The following INKA2 variants were observed in gnomAD, a reference collection of about 807,000 sequenced individuals.
INKA2 encodes the protein inka box actin regulator 2.
INKA2 carries 3 observed loss-of-function variants against 9.8 expected under a neutral mutation model. That is an observed-to-expected ratio of 0.31 (90% CI 0.14 to 0.79). The LOEUF is 0.79. Ranked by LOEUF, INKA2 falls within the 30% of genes least tolerant of loss-of-function variation. The pLI is 0.62. For missense variants in INKA2, 392 were observed against 384.4 expected (o/e 1.02, Z -0.17); for synonymous variants, 147 against 143.3 (o/e 1.03, Z -0.18).
intron 1 of INKA2, among the ~76,000 whole-genome samples, chr1:111,749,441 T>C (rs1285955437): frequency 1.4e-5 from 2 of 142,900 alleles, no homozygotes; most frequent in Admixed American, 1.4e-4. Context: ...TGTGTGTGTG[T>C]GTGTGCGCGC....
At chr1:111,731,248 T>A (rs1372150859) in intron 1 of INKA2, among the ~76,000 whole-genome samples, 2 of 152,236 alleles carry the variant, frequency 1.3e-5, no homozygotes, top group Non-Finnish European at 2.9e-5. Flanking sequence ...CATTGGTTAA[T>A]AATTTGGTTT....
chr1:111,728,036 C>G (rs1243975578), intron 1 of INKA2, among the ~76,000 whole-genome samples: 1 of 137,012 alleles, frequency 7.3e-6, no homozygotes, highest in Non-Finnish European at 1.5e-5. Flanking sequence ...TCCCCCACCC[C>G]ATACACACAC....
intron 1 of INKA2, chr1:111,747,434 T>C (rs1663298492): frequency 6.7e-6 from 1 of 150,344 alleles, no homozygotes; most frequent in South Asian, 2.1e-4. Context: ...CCTGGTGGTA[T>C]TTCCAGTTGT....
In INKA2 at chr1:111,751,942, ATT is replaced by A. The variant is rs34187656; in HGVS notation, n.124+3757_124+3758del. Among the ~76,000 whole-genome samples the A allele has an allele frequency of 5.7e-3, 812 of 142,256 alleles. 8 individuals are homozygous for A. Among genetic ancestry groups the A allele is most frequent in the African/African-American group, 0.019 (732 of 39,042 alleles). 93.3% of individuals were successfully genotyped at this position (142,256 alleles called of 152,430 possible). On this transcript the variant is annotated intron_variant and non_coding_transcript_variant, in intron 1 of 1. Coordinates refer to the INKA2 transcript ENST00000444059. ...TGTCCAGAAAAATGACATTTCCCAG[ATT>A]TTTTTTTTTTTTTTGCAAGAAGGTA...
In INKA2 at chr1:111,727,479, C is replaced by T. The variant is rs1480143794; in HGVS notation, c.383G>A (p.Cys128Tyr). The T allele has an allele frequency of 6.2e-7, 1 of 1,614,236 alleles. No homozygotes were observed. The highest frequency in any genetic ancestry group is 8.5e-7 in the Non-Finnish European group (1 of 1,180,048). ...PLPRTQPHQS[C>Y]AQQGPERVEP... is the part of the protein sequence containing the mutation. The stretch of plus-strand genomic sequence containing the variant: ...CACTCGCTCTGGCCCCTGCTGAGCA[C>T]AGCTTTGATGTGGCTGTGTCCTGGG... Residue 128 changes from cysteine to tyrosine, a missense_variant, in exon 2 of 2, where the codon TGT becomes TAT. Coordinates refer to ENST00000357260, the MANE Select transcript of INKA2 (RefSeq NM_019099.5).
At chr1:111,735,895 C>G (rs1662998243) in intron 1 of INKA2, among the ~76,000 whole-genome samples, 1 of 152,228 alleles carries the variant, frequency 6.6e-6, no homozygotes, top group Non-Finnish European at 1.5e-5. Context: ...TCTCCCTCCT[C>G]CAGGAAGCCT....
At chr1:111,732,501 G>A (rs1213282036) in intron 1 of INKA2, among the ~76,000 whole-genome samples, 1 of 151,552 alleles carries the variant, frequency 6.6e-6, no homozygotes, top group Non-Finnish European at 1.5e-5. Flanking sequence ...CAAGAAGGTC[G>A]ACCTGGTCCT....
In INKA2 at chr1:111,745,231, T is replaced by TATATATAC. The variant is rs1356034280; in HGVS notation, n.124+10469_124+10470insGTATATAT. 200 of 112,724 alleles carry TATATATAC rather than the reference T, an allele frequency of 1.8e-3. 2 individuals are homozygous for TATATATAC. Among genetic ancestry groups the TATATATAC allele is most frequent in the African/African-American group, 7.2e-3 (196 of 27,266 alleles). The allele number at this position is 112,724 out of a possible 1,614,324, so 7.0% of individuals were successfully genotyped here. A position where few individuals can be genotyped will look rare whatever the true frequency, so the allele number is the denominator to read the frequency against. On this transcript the variant is annotated intron_variant and non_coding_transcript_variant, in intron 1 of 1. Coordinates refer to the INKA2 transcript ENST00000444059. ...CATTTACTGGAAAGGCAAGCAAATA[T>TATATATAC]ACACACACACACACACACACACACA...
At position 111,726,167 on chromosome 1, in the gene INKA2, G is replaced by C. The variant is rs879922395; in HGVS notation, c.*801C>G. 7.5e-6 allele frequency: 3 copies of C among 398,218 alleles called. No homozygotes were observed. Among genetic ancestry groups the C allele is most frequent in the Non-Finnish European group, 1.3e-5 (3 of 225,888 alleles). The allele number at this position is 398,218 out of a possible 1,614,324, so 24.7% of individuals were successfully genotyped here. A position where few individuals can be genotyped will look rare whatever the true frequency, so the allele number is the denominator to read the frequency against. Reference sequence around the variant, plus strand: ...CTGGACATGTAGCATATCTAGGCTTGTTTCCTTATCTGGAAAATGGGATCA... The same window carrying C: ...CTGGACATGTAGCATATCTAGGCTTCTTTCCTTATCTGGAAAATGGGATCA... On this transcript the variant is annotated 3_prime_UTR_variant, in exon 2 of 2. Transcript: ENST00000357260.
In INKA2 at chr1:111,727,367, C is replaced by G; in HGVS notation, c.495G>C (p.Leu165=). The change falls in exon 2 of 2, where the codon CTG becomes CTC. Residue 165 remains leucine (L), a synonymous_variant. Transcript: ENST00000357260. ...CTGGCAAGTCTAGCCAATTGCCCAC[C>G]AGGTCTGCAAAAACGTTGTCCCCTA... ...LVLGDNVFAD[L]VGNWLDLPEL... 3 of 1,613,952 alleles carry G rather than the reference C, an allele frequency of 1.9e-6. No homozygotes were observed. Among genetic ancestry groups the G allele is most frequent in the East Asian group, 2.2e-5 (1 of 44,884 alleles).
chr1:111,739,573 G>A (rs1465021054), upstream of INKA2: 2 of 532,698 alleles, frequency 3.8e-6, no homozygotes, highest in Non-Finnish European at 2.9e-6. Flanking sequence ...CGCAGCCACT[G>A]GGGCTGGCGA....
intron 1 of INKA2, chr1:111,755,287 C>T (rs1027402869): frequency 1.5e-5 from 3 of 196,264 alleles, no homozygotes; most frequent in African/African-American, 2.3e-5. Context: ...ATTCAACGTA[C>T]TTTTATCAGA....
At chr1:111,734,013 C>T (rs568114877) in intron 1 of INKA2, among the ~76,000 whole-genome samples, 5 of 152,314 alleles carry the variant, frequency 3.3e-5, no homozygotes, top group South Asian at 2.1e-4. Context: ...GGCTGAGGGC[C>T]GGAAATGGGA....
chr1:111,736,250 C>G (rs1381177547), intron 1 of INKA2, among the ~76,000 whole-genome samples: 5 of 152,162 alleles, frequency 3.3e-5, no homozygotes, highest in Non-Finnish European at 7.3e-5. Context: ...AAACCCGATC[C>G]CCTTCCCTTT....
At position 111,723,070 on chromosome 1, in the gene INKA2, A is replaced by G. The variant is rs528998223; in HGVS notation, c.*3898T>C. The G allele has an allele frequency of 2.7e-5, 19 of 702,128 alleles. No individual in the cohort carries two copies. In the East Asian group the frequency reaches 5.1e-4, roughly 19 times the overall value. 43.5% of individuals were successfully genotyped at this position (702,128 alleles called of 1,614,324 possible). The stretch of plus-strand genomic sequence containing the variant: ...GCTCTCAAATCTTAACTCCAAGTCT[A>G]GTGCTCATACCATGGTGCTGGCAGA... On this transcript the variant is annotated 3_prime_UTR_variant, in exon 2 of 2. Transcript: ENST00000357260.
chr1:111,729,057 G>T (rs1278694348), intron 1 of INKA2, among the ~76,000 whole-genome samples: 1 of 152,138 alleles, frequency 6.6e-6, no homozygotes, highest in African/African-American at 2.4e-5. Context: ...GGGACCACAG[G>T]TGTGTGCTGC....
Position 111,727,041 on chromosome 1 carries a change from G to GGAT in INKA2, c.818_820dup (p.Asn273_Pro274insHis). On this transcript the variant is annotated inframe_insertion, in exon 2 of 2. Transcript: ENST00000357260. Reference sequence around the variant, plus strand: ...CAGGGCCTTGGGGCAGCTTGTGGGGGGATTCTCCCCTCGCCTGTGCTCCCC... The same window carrying GGAT: ...CAGGGCCTTGGGGCAGCTTGTGGGGGGATGATTCTCCCCTCGCCTGTGCTCCCC... The GGAT allele has an allele frequency of 6.2e-7, 1 of 1,614,022 alleles. No individual in the cohort carries two copies.
upstream of INKA2, among the ~76,000 whole-genome samples, chr1:111,744,221 G>C (rs1484847138): frequency 6.6e-6 from 1 of 152,084 alleles, no homozygotes; most frequent in Non-Finnish European, 1.5e-5. Context: ...TGTGTGTTGG[G>C]GAACCCTCTC....
In INKA2 at chr1:111,726,155, A is replaced by T. The variant is rs1326998004; in HGVS notation, c.*813T>A. ...CTGCAGTTGTTCCTGGACATGTAGCATATCTAGGCTTGTTTCCTTATCTGG... is the reference window on the plus strand; with the variant it reads ...CTGCAGTTGTTCCTGGACATGTAGCTTATCTAGGCTTGTTTCCTTATCTGG... On this transcript the variant is annotated 3_prime_UTR_variant, in exon 2 of 2. Coordinates refer to ENST00000357260, the MANE Select transcript of INKA2 (RefSeq NM_019099.5). The T allele has an allele frequency of 2.5e-6, 1 of 398,318 alleles. No individual in the cohort carries two copies. Among genetic ancestry groups the T allele is most frequent in the East Asian group, 3.6e-5 (1 of 28,068 alleles). The allele number at this position is 398,318 out of a possible 1,614,324, so 24.7% of individuals were successfully genotyped here.
Sources: gnomAD v4.1 joint callset for allele counts (sites outside exome capture counted in the v4.1 genomes callset) on GRCh38, gnomAD v4.1.1 for gene constraint, MANE v1.5 for transcripts, NCBI Gene and HGNC (gene_info 2026-07-23, HGNC 2026-07-21) for gene names.